The following GPM6A variants were observed in gnomAD, a reference collection of about 807,000 sequenced individuals.
The protein encoded by GPM6A is neuronal membrane glycoprotein M6-a.
GPM6A carries 7 observed loss-of-function variants against 32.1 expected under a neutral mutation model. The ratio of observed to expected loss-of-function variants is 0.22; its 90% CI spans 0.12 to 0.41. The LOEUF is 0.41. Ranked by LOEUF, GPM6A falls within the 10% of genes least tolerant of loss-of-function variation. The pLI is 1.00. For missense variants in GPM6A, 235 were observed against 347.2 expected (o/e 0.68, Z 2.57); for synonymous variants, 130 against 123.4 (o/e 1.05, Z -0.35).
intron 1 of GPM6A, among the ~76,000 whole-genome samples, chr4:175,975,018 C>T (rs757741004): frequency 1.3e-5 from 2 of 152,126 alleles, no homozygotes; most frequent in African/African-American, 2.4e-5. Context: ...TTTCAATTCC[C>T]TCAAGTCCAT....
At chr4:175,962,026 T>A (rs1740182507) in intron 1 of GPM6A, 1 of 634,230 alleles carries the variant, frequency 1.6e-6, no homozygotes, top group African/African-American at 1.8e-5. Flanking sequence ...AATGTTCACG[T>A]CTCAGGCCTT....
At chr4:175,678,068 A>C (rs1371888107) in intron 2 of GPM6A, among the ~76,000 whole-genome samples, 1 of 152,180 alleles carries the variant, frequency 6.6e-6, no homozygotes, top group African/African-American at 2.4e-5. Context: ...ATCATGTGGA[A>C]GCAGTCACTT....
chr4:175,830,256 G>A (rs1008757265), intron 1 of GPM6A, among the ~76,000 whole-genome samples: 8 of 152,054 alleles, frequency 5.3e-5, no homozygotes, highest in Non-Finnish European at 1.0e-4. Flanking sequence ...TATTTTTATT[G>A]AGCATCACTC....
chr4:176,002,052 G>A (rs1741500017), intron 1 of GPM6A, among the ~76,000 whole-genome samples: 1 of 152,052 alleles, frequency 6.6e-6, no homozygotes, highest in African/African-American at 2.4e-5. Flanking sequence ...CCCAAGCGCA[G>A]CCCCCCACCC....
At chr4:175,733,786 G>A (rs915755095) in intron 1 of GPM6A, among the ~76,000 whole-genome samples, 1 of 152,136 alleles carries the variant, frequency 6.6e-6, no homozygotes, top group South Asian at 2.1e-4. Flanking sequence ...GTGTGCCTGC[G>A]AGTAGTGGGC....
chr4:175,917,376 C>T (rs1738526451), intron 1 of GPM6A, among the ~76,000 whole-genome samples: 1 of 152,070 alleles, frequency 6.6e-6, no homozygotes, highest in East Asian at 1.9e-4. Context: ...CATTGAAGGA[C>T]CCTGCTACAG....
chr4:175,717,902 G>A (rs189784172), intron 1 of GPM6A, among the ~76,000 whole-genome samples: 1 of 152,270 alleles, frequency 6.6e-6, no homozygotes, highest in East Asian at 1.9e-4. Context: ...AGTATTATGT[G>A]TTATTTAGTG....
chr4:175,813,506 G>GCA (rs377566787), upstream of GPM6A, among the ~76,000 whole-genome samples: 17 of 151,390 alleles, frequency 1.1e-4, no homozygotes, highest in South Asian at 8.3e-4. Flanking sequence ...AAATCAGCCA[G>GCA]CACACACACA....
chr4:175,961,435 C>T (rs1740160342), intron 1 of GPM6A: 1 of 152,140 alleles, frequency 6.6e-6, no homozygotes, highest in Non-Finnish European at 1.5e-5. Context: ...GGACACCCCC[C>T]AAAAACTGGA....
chr4:175,703,635 T>C (rs1579404388), intron 1 of GPM6A, among the ~76,000 whole-genome samples: 1 of 152,214 alleles, frequency 6.6e-6, no homozygotes, highest in African/African-American at 2.4e-5. Flanking sequence ...ATGGTAAATA[T>C]TCAAAATAAA....
chr4:175,819,255 T>A (rs1194644078), intron 1 of GPM6A, among the ~76,000 whole-genome samples: 1 of 152,130 alleles, frequency 6.6e-6, no homozygotes, highest in Non-Finnish European at 1.5e-5. Context: ...TGATTCTCTG[T>A]GGTCACAAAA....
intron 1 of GPM6A, among the ~76,000 whole-genome samples, chr4:175,820,207 C>CT (rs922525113): frequency 6.6e-6 from 1 of 152,042 alleles, no homozygotes; most frequent in Admixed American, 6.6e-5. Flanking sequence ...TTCTTATTTT[C>CT]TTTTTTTAAA....
In GPM6A at chr4:175,640,814, C is replaced by G; in HGVS notation, c.557G>C (p.Gly186Ala). 2.5e-6 allele frequency: 4 copies of G among 1,602,016 alleles called. No individual in the cohort carries two copies. Among genetic ancestry groups the G allele is most frequent in the Non-Finnish European group, 3.4e-6 (4 of 1,169,542 alleles). Residue 186 changes from glycine (G) to alanine (A), a missense_variant, in exon 5 of 7, where the codon GGA becomes GCA. Gly to Ala is a moderately conservative substitution (Grantham distance 60, BLOSUM62 0). Coordinates refer to ENST00000393658, the MANE Select transcript of GPM6A (RefSeq NM_201591.3). Reference protein sequence around the residue: ...DLRQFGIVTIGEEKKICTVSE... With the variant: ...DLRQFGIVTIAEEKKICTVSE... ...GACAGTACAAATTTTCTTTTCCTCT[C>G]CAATTGTCACAATTCCTACAATGTG...
rs575582809 is a variant in GPM6A, at chr4:175,831,218, A to C, written c.-22-18969T>G. On this transcript the variant is annotated intron_variant, in intron 1 of 7. Transcript: ENST00000280187. The stretch of plus-strand genomic sequence containing the variant: ...TGGATAAATTAAACTCACTGGATAG[A>C]AAAAAAAGAATTTGAATCTAATAGA... 4.6e-5 allele frequency among the ~76,000 whole-genome samples: 7 copies of C among 152,148 alleles called. No homozygotes were observed. The South Asian group carries it at 1.2e-3, about 27-fold the overall frequency.
intron 3 of GPM6A, among the ~76,000 whole-genome samples, chr4:175,652,574 C>T (rs73875105): frequency 0.045 from 6,755 of 151,662 alleles, 178 homozygotes; most frequent in Non-Finnish European, 0.061. Flanking sequence ...ATAGTATATA[C>T]ACTTATATAT....
intron 6 of GPM6A, among the ~76,000 whole-genome samples, chr4:175,635,558 T>C (rs1740529534): frequency 6.6e-6 from 1 of 152,146 alleles, no homozygotes; most frequent in Non-Finnish European, 1.5e-5. Flanking sequence ...TATGATGAAT[T>C]TTGTAGTTTC....
chr4:175,924,210 G>A lies in GPM6A; in HGVS notation c.-23+78099C>T, dbSNP rs189623749. 2.6e-5 allele frequency among the ~76,000 whole-genome samples: 4 copies of A among 152,276 alleles called. No individual in the cohort carries two copies. In the East Asian group the frequency reaches 7.7e-4, roughly 29 times the overall value. On this transcript the variant is annotated intron_variant, in intron 1 of 7. Coordinates refer to the GPM6A transcript ENST00000280187. ...TAAATCTAAAGGTTAGCAGTGACCT[G>A]TCTTTATTGCTGACGTTCGCCAAAT...
intron 1 of GPM6A, among the ~76,000 whole-genome samples, 171 bp from the exon 2 acceptor site, chr4:175,701,938 T>A (rs955680067): frequency 6.6e-6 from 1 of 152,228 alleles, no homozygotes; most frequent in African/African-American, 2.4e-5. Context: ...TCCTTAATTA[T>A]AAACCCATCC....
chr4:175,862,990 T>C (rs1560969521), intron 1 of GPM6A, among the ~76,000 whole-genome samples: 3 of 152,180 alleles, frequency 2.0e-5, no homozygotes, highest in Admixed American at 6.6e-5. Context: ...TCTTTCTCTC[T>C]ACACCTCATC....
Sources: allele counts gnomAD v4.1 joint callset (sites outside exome capture counted in the v4.1 genomes callset), GRCh38; gene constraint gnomAD v4.1.1; transcripts MANE v1.5; gene names NCBI Gene and HGNC (gene_info 2026-07-23, HGNC 2026-07-21).